Variants in SGCZ observed in about 807,000 individuals in gnomAD.
The protein encoded by SGCZ is zeta-sarcoglycan.
SGCZ carries 40 observed loss-of-function variants against 41.3 expected under a neutral mutation model. That is an observed-to-expected ratio of 0.97 (90% confidence interval 0.75 to 1.26). The LOEUF (loss-of-function observed/expected upper bound fraction) is 1.26, where lower values mean the gene tolerates loss of function less well. SGCZ is among the 50% of genes most tolerant of loss of function. The pLI is 0.00. For synonymous variants in SGCZ, 206 were observed against 137.5 expected (o/e 1.50, Z -3.49); for missense variants, 552 against 369.8 (o/e 1.49, Z -4.04).
At chr8:14,469,619 T>C (rs1475045354) in intron 2 of SGCZ, among the ~76,000 whole-genome samples, 2 of 151,912 alleles carry the variant, frequency 1.3e-5, no homozygotes, top group African/African-American at 4.8e-5. Context: ...ATCCCTTAGG[T>C]AGCTTCAGGA....
At chr8:14,394,140 C>A (rs66724789) in intron 2 of SGCZ, among the ~76,000 whole-genome samples, 40,043 of 143,514 alleles carry the variant, frequency 0.28, 5,958 homozygotes, top group Non-Finnish European at 0.34. Context: ...TACCGCCCCC[C>A]ACCTTTTTTT....
chr8:15,135,317 T>C (rs1486253496), intron 1 of SGCZ, among the ~76,000 whole-genome samples: 2 of 152,166 alleles, frequency 1.3e-5, no homozygotes, highest in African/African-American at 2.4e-5. Context: ...AAAAGCAGAG[T>C]TGCTGAAATT....
intron 5 of SGCZ, among the ~76,000 whole-genome samples, chr8:14,158,145 A>T (rs1437465743): frequency 6.6e-6 from 1 of 151,732 alleles, no homozygotes; most frequent in African/African-American, 2.4e-5. Context: ...AGTGCTTCTT[A>T]TAATGGTCCT....
rs1273852753 is a variant in SGCZ at position 14,088,605 on chromosome 8, CAT to C, written c.*1836_*1837del. ...TATAACTTTGTAAGCAATCGTATAT[CAT>C]AAATTCTTATTTCAATATTGATTTA... On this transcript the variant is annotated 3_prime_UTR_variant, in exon 8 of 8. Transcript: ENST00000382080. Among the ~76,000 whole-genome samples, 2 of 151,692 alleles carry C rather than the reference CAT, an allele frequency of 1.3e-5. No homozygotes were observed. The highest frequency in any genetic ancestry group is 4.8e-5 in the African/African-American group (2 of 41,362).
At chr8:14,443,448 G>A (rs1462839835) in intron 2 of SGCZ, among the ~76,000 whole-genome samples, 2 of 151,988 alleles carry the variant, frequency 1.3e-5, no homozygotes, top group Non-Finnish European at 2.9e-5. Flanking sequence ...GCATGGTACT[G>A]GTACCAAAAC....
chr8:14,126,372 A>T (rs1802860104), intron 5 of SGCZ, among the ~76,000 whole-genome samples: 1 of 152,214 alleles, frequency 6.6e-6, no homozygotes, highest in African/African-American at 2.4e-5. Context: ...ACAAACATAT[A>T]ACGAAAAAAC....
intron 1 of SGCZ, among the ~76,000 whole-genome samples, chr8:15,111,318 C>G (rs1035458107): frequency 6.6e-6 from 1 of 152,234 alleles, no homozygotes. Flanking sequence ...AACCCTCTCC[C>G]GCTTCCACTA....
chr8:14,350,718 C>G (rs1056521063), intron 2 of SGCZ, among the ~76,000 whole-genome samples: 2 of 152,086 alleles, frequency 1.3e-5, no homozygotes, highest in African/African-American at 2.4e-5. Flanking sequence ...GTCCAATGCT[C>G]CTTCTTTCCC....
At chr8:15,185,752 T>C (rs181388922) in intron 1 of SGCZ, among the ~76,000 whole-genome samples, 33 of 152,282 alleles carry the variant, frequency 2.2e-4, no homozygotes, top group African/African-American at 7.9e-4. Context: ...GAGTTATTTA[T>C]GATAAGATGA....
chr8:14,705,555 G>C (rs1809306745), intron 1 of SGCZ, among the ~76,000 whole-genome samples: 1 of 151,880 alleles, frequency 6.6e-6, no homozygotes, highest in Non-Finnish European at 1.5e-5. Flanking sequence ...TCATAGTTTT[G>C]AAGCAATTTA....
chr8:14,638,223 C>T (rs141445494), intron 1 of SGCZ, among the ~76,000 whole-genome samples: 314 of 151,882 alleles, frequency 2.1e-3, no homozygotes, highest in Non-Finnish European at 3.6e-3. Context: ...GTCAGGATGT[C>T]CTGCTGATTT....
chr8:14,474,652 T>C (rs1212192202), intron 2 of SGCZ, among the ~76,000 whole-genome samples: 3 of 152,202 alleles, frequency 2.0e-5, no homozygotes, highest in Non-Finnish European at 2.9e-5. Flanking sequence ...AAAAATACTT[T>C]TCTAAATTAC....
At chr8:14,167,503 A>T (rs770680169) in intron 4 of SGCZ, among the ~76,000 whole-genome samples, 16 of 152,268 alleles carry the variant, frequency 1.1e-4, no homozygotes, top group Admixed American at 2.0e-4. Flanking sequence ...AAGACTAAAC[A>T]CTTCCTTAGG....
chr8:14,732,637 T>C (rs1219467012), intron 1 of SGCZ, among the ~76,000 whole-genome samples: 5 of 152,166 alleles, frequency 3.3e-5, no homozygotes, highest in Non-Finnish European at 7.3e-5. Flanking sequence ...GAGCTGCTGT[T>C]TTCGTGAACT....
intron 3 of SGCZ, among the ~76,000 whole-genome samples, chr8:14,268,553 G>A (rs1011827133): frequency 6.6e-5 from 10 of 151,830 alleles, no homozygotes; most frequent in Admixed American, 2.6e-4. Flanking sequence ...GGTGGTCTGC[G>A]TATCGAAATT....
intron 1 of SGCZ, among the ~76,000 whole-genome samples, chr8:15,095,048 GA>G (rs1286068717): frequency 6.6e-6 from 1 of 152,128 alleles, no homozygotes; most frequent in Admixed American, 6.5e-5. Context: ...GTGAAGTCAG[GA>G]AAAATTTTAA....
intron 5 of SGCZ, among the ~76,000 whole-genome samples, chr8:14,113,632 T>A (rs114090467): frequency 0.028 from 4,256 of 152,162 alleles, 74 homozygotes; most frequent in Middle Eastern, 0.075. Flanking sequence ...GAGATGTCCT[T>A]TCTTGTTCAA....
chr8:14,637,602 T>A (rs1187545198), intron 1 of SGCZ, among the ~76,000 whole-genome samples: 1 of 151,884 alleles, frequency 6.6e-6, no homozygotes, highest in Non-Finnish European at 1.5e-5. Context: ...ATTAATTTGC[T>A]TAGGATAATG....
chr8:14,909,723 C>A (rs1799228755), intron 1 of SGCZ, among the ~76,000 whole-genome samples: 1 of 152,000 alleles, frequency 6.6e-6, no homozygotes, highest in South Asian at 2.1e-4. Flanking sequence ...GCATCAACAC[C>A]AATTTGGAGA....
Sources: gnomAD v4.1 joint callset for allele counts (sites outside exome capture counted in the v4.1 genomes callset) on GRCh38, gnomAD v4.1.1 for gene constraint, MANE v1.5 for transcripts, NCBI Gene and HGNC (gene_info 2026-07-23, HGNC 2026-07-21) for gene names.